ARFGEF3: variants seen among roughly 807,000 people sequenced by gnomAD.
ARFGEF3 encodes the protein brefeldin A-inhibited guanine nucleotide-exchange protein 3.
In ARFGEF3, 96 loss-of-function variants were observed where a neutral mutation model predicts 221.7. The observed-to-expected ratio is 0.43, with a 90% CI of 0.37 to 0.51. ARFGEF3 has a LOEUF of 0.51. Among genes scored for constraint, ARFGEF3 ranks in the 20% least tolerant of loss-of-function variants. The pLI is 0.00. For synonymous variants in ARFGEF3, 1,145 were observed against 1,126.8 expected (o/e 1.02, Z -0.32); for missense variants, 2,410 against 2,789.9 (o/e 0.86, Z 3.07).
At chr6:138,230,086 C>G (rs372285048) in intron 5 of ARFGEF3, among the ~76,000 whole-genome samples, 1 of 152,094 alleles carries the variant, frequency 6.6e-6, no homozygotes, top group African/African-American at 2.4e-5. Flanking sequence ...TCACTTGAGG[C>G]CTTCACTATG....
At position 138,291,713 on chromosome 6, in the gene ARFGEF3, C is replaced by T. The variant is rs1779406937; in HGVS notation, c.3048-20C>T. The T allele has an allele frequency of 7.6e-7, 1 of 1,319,382 alleles. No individual in the cohort carries two copies. The highest frequency in any genetic ancestry group is 3.0e-5 in the East Asian group (1 of 33,052). The allele number at this position is 1,319,382 out of a possible 1,614,324, so 81.7% of individuals were successfully genotyped here. On this transcript the variant is annotated intron_variant, in intron 18 of 33. Transcript: ENST00000251691. The surrounding 1 kb of genome is among the most constrained non-coding windows in gnomAD (Gnocchi z 4.5). Reference sequence around the variant, plus strand: ...GGTGAGCTGCAGCGCCTAACAGCTGCTTGTCTGTGCTCTTTCTAGGGTGTG... The same window carrying T: ...GGTGAGCTGCAGCGCCTAACAGCTGTTTGTCTGTGCTCTTTCTAGGGTGTG...
At position 138,342,458 on chromosome 6, in the gene ARFGEF3, A is replaced by G. The variant is rs1780447519; in HGVS notation, c.*5972A>G. On this transcript the variant is annotated 3_prime_UTR_variant, in exon 34 of 34. Transcript: ENST00000251691. ...CTCAATCTTCCCAGTTTCCAGTTTT[A>G]TTATACCAACAATTGGTTTTTACAA... 1 of 152,210 alleles carries G rather than the reference A, an allele frequency of 6.6e-6. No homozygotes were observed. The highest frequency in any genetic ancestry group is 1.5e-5 in the Non-Finnish European group (1 of 68,034). The allele number at this position is 152,210 out of a possible 1,614,324, so 9.4% of individuals were successfully genotyped here.
chr6:138,255,901 C>T (rs1778669814), intron 10 of ARFGEF3, 132 bp downstream of exon 10: 3 of 745,796 alleles, frequency 4.0e-6, no homozygotes, highest in African/African-American at 1.8e-5. Flanking sequence ...TGTCCAGTAG[C>T]GAATGCTGTC....
At chr6:138,236,241 T>TTAA (rs1331056897) in intron 5 of ARFGEF3, among the ~76,000 whole-genome samples, 3 of 152,210 alleles carry the variant, frequency 2.0e-5, no homozygotes, top group Non-Finnish European at 4.4e-5. Flanking sequence ...TGTAATGCTT[T>TTAA]TAAGGCTTAA....
chr6:138,313,245 G>A (rs186905687), intron 25 of ARFGEF3, among the ~76,000 whole-genome samples: 1 of 152,268 alleles, frequency 6.6e-6, no homozygotes, highest in Non-Finnish European at 1.5e-5. Context: ...GTGCCTGGGC[G>A]CTAGTCCCAA....
chr6:138,163,737 A>T (rs1388320619), intron 1 of ARFGEF3, among the ~76,000 whole-genome samples: 1 of 152,204 alleles, frequency 6.6e-6, no homozygotes, highest in Non-Finnish European at 1.5e-5. Flanking sequence ...TTCGAGTCAA[A>T]TCTGAAAGAA....
At chr6:138,286,632 A>T (rs1337414287) in intron 15 of ARFGEF3, 69 bp from the exon 16 acceptor site, 1 of 1,241,248 alleles carries the variant, frequency 8.1e-7, no homozygotes, top group Admixed American at 1.7e-5. Flanking sequence ...ATAGCAAGAG[A>T]ATGTGATGTC....
At chr6:138,184,620 G>T (rs1309910456) in intron 2 of ARFGEF3, among the ~76,000 whole-genome samples, 3 of 152,232 alleles carry the variant, frequency 2.0e-5, no homozygotes, top group Non-Finnish European at 4.4e-5. Context: ...AAACAAATCT[G>T]CCTGAGCAGG....
At chr6:138,178,217 A>G (rs1562343729) in intron 2 of ARFGEF3, among the ~76,000 whole-genome samples, 1 of 152,316 alleles carries the variant, frequency 6.6e-6, no homozygotes, top group East Asian at 1.9e-4. Context: ...GTCCTAGGCC[A>G]TCTCATATAA....
In ARFGEF3 at chr6:138,175,111, C is replaced by A. The variant is rs142983549; in HGVS notation, c.137+4398C>A. Reference sequence around the variant, plus strand: ...ACATTACTTATTTGTGCTCAAGGCTCTGTCACTGATGAAATGCTCACTCTT... The same window carrying A: ...ACATTACTTATTTGTGCTCAAGGCTATGTCACTGATGAAATGCTCACTCTT... On this transcript the variant is annotated intron_variant, in intron 2 of 33. Coordinates refer to ENST00000251691, the MANE Select transcript of ARFGEF3 (RefSeq NM_020340.5). Among the ~76,000 whole-genome samples the A allele has an allele frequency of 3.3e-5, 5 of 152,300 alleles. No individual in the cohort carries two copies. The East Asian group carries it at 9.6e-4, about 29-fold the overall frequency.
intron 2 of ARFGEF3, among the ~76,000 whole-genome samples, chr6:138,172,485 A>T (rs1776855306): frequency 1.3e-5 from 2 of 152,176 alleles, no homozygotes; most frequent in Admixed American, 6.5e-5. Flanking sequence ...CCCACAAAGA[A>T]CTATGAACAT....
intron 12 of ARFGEF3, among the ~76,000 whole-genome samples, chr6:138,268,796 G>A (rs1778942196): frequency 3.3e-5 from 5 of 152,158 alleles, no homozygotes; most frequent in South Asian, 2.1e-4. Context: ...GCAGTCTTGT[G>A]ACTTACTTTG....
chr6:138,207,559 A>T (rs1777646973), intron 3 of ARFGEF3, among the ~76,000 whole-genome samples: 2 of 152,232 alleles, frequency 1.3e-5, no homozygotes, highest in Admixed American at 6.5e-5. Context: ...TGATGAATGG[A>T]TTATTATCTT....
chr6:138,206,301 G>GCCCTTGTT (rs1390406931), intron 2 of ARFGEF3, among the ~76,000 whole-genome samples: 1 of 148,428 alleles, frequency 6.7e-6, no homozygotes, highest in East Asian at 2.0e-4. Context: ...ATATTTTAAT[G>GCCCTTGTT]CCCTTGTTTT....
At position 138,337,158 on chromosome 6, in the gene ARFGEF3, G is replaced by A. The variant is rs1259248083; in HGVS notation, c.*672G>A. 1.3e-5 allele frequency: 2 copies of A among 152,622 alleles called. No homozygotes were observed. The highest frequency in any genetic ancestry group is 2.9e-5 in the Non-Finnish European group (2 of 68,038). The allele number at this position is 152,622 out of a possible 1,614,324, so 9.5% of individuals were successfully genotyped here. ...CTTTATTTCTGTATTTCTAAAAGAA[G>A]AAAGTTCTTTCCTAGCAGGGTTTGA... On this transcript the variant is annotated 3_prime_UTR_variant, in exon 34 of 34. Coordinates refer to ENST00000251691, the MANE Select transcript of ARFGEF3 (RefSeq NM_020340.5).
intron 2 of ARFGEF3, among the ~76,000 whole-genome samples, chr6:138,172,874 A>G (rs148126262): frequency 3.8e-4 from 58 of 152,308 alleles, no homozygotes; most frequent in Non-Finnish European, 4.7e-4. Context: ...ACATTTTGAT[A>G]AATAATTATT....
Position 138,291,997 on chromosome 6 carries a change from C to G in ARFGEF3, c.3312C>G (p.Leu1104=). 1 of 1,536,814 alleles carries G rather than the reference C, an allele frequency of 6.5e-7. No individual in the cohort carries two copies. The highest frequency in any genetic ancestry group is 1.7e-4 in the Middle Eastern group (1 of 5,846). The change falls in exon 19 of 34, where the codon CTC becomes CTG. Residue 1104 remains leucine, a synonymous_variant. Transcript: ENST00000251691. The surrounding 1 kb of genome is among the most constrained non-coding windows in gnomAD (Gnocchi z 4.5). ...CCTCCGACTTCCGCGGCGGGAGCCT[C>G]ATGAGCGGGAGCAGCGCGGCCAAGG... ...GRASDFRGGS[L]MSGSSAAKVV...
chr6:138,300,724 G>T (rs1166132609), intron 22 of ARFGEF3, among the ~76,000 whole-genome samples: 1 of 152,152 alleles, frequency 6.6e-6, no homozygotes, highest in East Asian at 1.9e-4. Context: ...TGCAGTCTGG[G>T]ACCTCCCAAG....
chr6:138,251,441 T>C (rs1778581153), intron 8 of ARFGEF3, among the ~76,000 whole-genome samples: 1 of 152,246 alleles, frequency 6.6e-6, no homozygotes, highest in Non-Finnish European at 1.5e-5. Flanking sequence ...TTTTTAAATA[T>C]GGCTTACAAT....
Sources: gnomAD v4.1 joint callset for allele counts (sites outside exome capture counted in the v4.1 genomes callset) on GRCh38, gnomAD v4.1.1 for gene constraint, Gnocchi (gnomAD v3.1) non-coding constraint, MANE v1.5 for transcripts, NCBI Gene and HGNC (gene_info 2026-07-23, HGNC 2026-07-21) for gene names.